Variants in ZNF385D observed in about 807,000 individuals in gnomAD.
ZNF385D encodes zinc finger protein 659.
Under a neutral mutation model 35.8 loss-of-function variants are expected in ZNF385D, and 15 were observed. That is an observed-to-expected ratio of 0.42 (90% CI 0.28 to 0.64). The LOEUF is 0.64. Among genes scored for constraint, ZNF385D ranks in the 30% least tolerant of loss-of-function variants. ZNF385D has a pLI of 0.23. For missense variants in ZNF385D, 474 were observed against 494.6 expected (o/e 0.96, Z 0.39); for synonymous variants, 212 against 186.8 (o/e 1.13, Z -1.10).
intron 3 of ZNF385D, among the ~76,000 whole-genome samples, chr3:21,915,593 T>C (rs1312083619): frequency 6.6e-6 from 1 of 152,074 alleles, no homozygotes; most frequent in East Asian, 1.9e-4. Flanking sequence ...ATCTGGTTCA[T>C]TCAAGAGAGC....
At chr3:21,795,998 T>C (rs1425687432) in intron 3 of ZNF385D, among the ~76,000 whole-genome samples, 1 of 152,370 alleles carries the variant, frequency 6.6e-6, no homozygotes, top group African/African-American at 2.4e-5. Flanking sequence ...TTTTCTCAAA[T>C]AGAAATGACT....
At chr3:22,088,286 A>T (rs1406816501) in intron 3 of ZNF385D, among the ~76,000 whole-genome samples, 1 of 152,194 alleles carries the variant, frequency 6.6e-6, no homozygotes, top group Non-Finnish European at 1.5e-5. Context: ...AATATGTGAT[A>T]AAACATGAGA....
chr3:21,467,977 C>T (rs1028822965), intron 4 of ZNF385D, among the ~76,000 whole-genome samples: 2 of 151,790 alleles, frequency 1.3e-5, no homozygotes, highest in Admixed American at 6.6e-5. Flanking sequence ...GACTTGTCTA[C>T]GGGAATGCAA....
intron 2 of ZNF385D, among the ~76,000 whole-genome samples, chr3:21,580,312 A>T (rs1436038668): frequency 6.6e-6 from 1 of 152,188 alleles, no homozygotes; most frequent in Admixed American, 6.5e-5. Context: ...TTCAGAGATG[A>T]GGAGAATAGA....
chr3:21,988,902 G>T (rs539461935), intron 3 of ZNF385D, among the ~76,000 whole-genome samples: 2 of 152,206 alleles, frequency 1.3e-5, no homozygotes. Context: ...TCTGAAAAGT[G>T]CAATATTCGG....
At chr3:21,517,322 C>T (rs1166100173) in intron 3 of ZNF385D, among the ~76,000 whole-genome samples, 1 of 151,984 alleles carries the variant, frequency 6.6e-6, no homozygotes, top group Admixed American at 6.6e-5. Flanking sequence ...ATGAACACAC[C>T]TGTGAAGGGT....
At chr3:22,247,549 T>C (rs1699848542) in intron 2 of ZNF385D, among the ~76,000 whole-genome samples, 1 of 152,186 alleles carries the variant, frequency 6.6e-6, no homozygotes, top group African/African-American at 2.4e-5. Context: ...TCACACAAAT[T>C]AAAGAGTCTT....
rs1418906311 is a variant in ZNF385D at position 22,329,608 on chromosome 3, T to G, written c.106+42842A>C. Reference sequence around the variant, plus strand: ...TAGAAAAAAATTTACTAATGGCTCTTTAACTACCTCTTCTCCACCAATCCC... The same window carrying G: ...TAGAAAAAAATTTACTAATGGCTCTGTAACTACCTCTTCTCCACCAATCCC... On this transcript the variant is annotated intron_variant, in intron 2 of 5. Coordinates refer to the ZNF385D transcript ENST00000494108. Among the ~76,000 whole-genome samples the G allele has an allele frequency of 2.0e-5, 3 of 152,280 alleles. No individual in the cohort carries two copies. In the East Asian group the frequency reaches 5.8e-4, roughly 29 times the overall value.
At chr3:21,733,182 G>T (rs952959965) in intron 1 of ZNF385D, among the ~76,000 whole-genome samples, 1 of 151,858 alleles carries the variant, frequency 6.6e-6, no homozygotes, top group Non-Finnish European at 1.5e-5. Flanking sequence ...TTTTGTCAAA[G>T]ACCAGTTGCT....
chr3:22,002,368 C>T (rs775659053), intron 3 of ZNF385D, among the ~76,000 whole-genome samples: 1 of 152,096 alleles, frequency 6.6e-6, no homozygotes, highest in Non-Finnish European at 1.5e-5. Context: ...CCCAGACTCA[C>T]ACAACCTACC....
At chr3:22,182,755 A>T (rs1056902560) in intron 2 of ZNF385D, among the ~76,000 whole-genome samples, 1 of 152,196 alleles carries the variant, frequency 6.6e-6, no homozygotes, top group East Asian at 1.9e-4. Flanking sequence ...AAAAGAATCC[A>T]AATTGAAAAT....
chr3:22,257,511 C>T (rs1700377070), intron 2 of ZNF385D, among the ~76,000 whole-genome samples: 1 of 151,744 alleles, frequency 6.6e-6, no homozygotes, highest in Non-Finnish European at 1.5e-5. Flanking sequence ...TTCTATTATA[C>T]TCTCATAATA....
chr3:21,699,616 T>G (rs1022561466), intron 1 of ZNF385D, among the ~76,000 whole-genome samples: 4 of 152,148 alleles, frequency 2.6e-5, no homozygotes, highest in Non-Finnish European at 1.5e-5. Flanking sequence ...ATACAAGAGT[T>G]TGAAGACTTA....
intron 4 of ZNF385D, among the ~76,000 whole-genome samples, chr3:21,470,348 T>A (rs927916535): frequency 7.2e-5 from 11 of 152,124 alleles, no homozygotes; most frequent in Non-Finnish European, 1.3e-4. Context: ...CAGCCCAAAT[T>A]CACTAGCATT....
At chr3:21,526,080 A>G (rs757826350) in intron 3 of ZNF385D, among the ~76,000 whole-genome samples, 30 of 152,190 alleles carry the variant, frequency 2.0e-4, no homozygotes, top group Non-Finnish European at 4.3e-4. Flanking sequence ...ATTTTCCACT[A>G]CATATTCAGC....
chr3:22,335,537 A>C (rs12106948), intron 2 of ZNF385D, among the ~76,000 whole-genome samples: 3 of 152,128 alleles, frequency 2.0e-5, no homozygotes, highest in Non-Finnish European at 4.4e-5. Flanking sequence ...TAAATCCTAT[A>C]ATCAATCCTA....
intron 3 of ZNF385D, among the ~76,000 whole-genome samples, chr3:21,908,949 T>A (rs566286868): frequency 2.6e-5 from 4 of 152,208 alleles, no homozygotes; most frequent in South Asian, 2.1e-4. Context: ...TAGTTAATAA[T>A]CACAAGTCTT....
intron 3 of ZNF385D, among the ~76,000 whole-genome samples, chr3:21,867,505 G>C (rs995897397): frequency 3.3e-5 from 5 of 152,104 alleles, no homozygotes; most frequent in South Asian, 4.1e-4. Flanking sequence ...CCTGTGAGGA[G>C]TGCAGTAATC....
At chr3:21,966,257 A>G (rs1157188790) in intron 3 of ZNF385D, among the ~76,000 whole-genome samples, 1 of 152,230 alleles carries the variant, frequency 6.6e-6, no homozygotes, top group Non-Finnish European at 1.5e-5. Flanking sequence ...ATCCCCTAAC[A>G]TCTAGCACAG....
Sources: allele counts gnomAD v4.1 joint callset (sites outside exome capture counted in the v4.1 genomes callset), GRCh38; gene constraint gnomAD v4.1.1; transcripts MANE v1.5; gene names NCBI Gene and HGNC (gene_info 2026-07-23, HGNC 2026-07-21).